GALNT17: variants seen among roughly 807,000 people sequenced by gnomAD.
GALNT17 encodes the protein UDP-GalNAc:polypeptide N-acetylgalactosaminyltransferase-like 3.
A neutral mutation model predicts 63.7 loss-of-function variants in GALNT17; 29 were observed. The ratio of observed to expected loss-of-function variants is 0.46; its 90% CI spans 0.34 to 0.62. The LOEUF (loss-of-function observed/expected upper bound fraction) is 0.62. Ranked by LOEUF, GALNT17 falls within the 20% of genes least tolerant of loss-of-function variation. The probability of loss-of-function intolerance (pLI) is 0.01; values close to 1 mark genes in which losing one functional copy is unlikely to be tolerated. For missense variants in GALNT17, 603 were observed against 799.6 expected (o/e 0.75, Z 2.97); for synonymous variants, 305 against 318.3 (o/e 0.96, Z 0.45).
chr7:71,484,615 C>T (rs1022941084), intron 5 of GALNT17, among the ~76,000 whole-genome samples: 6 of 152,066 alleles, frequency 3.9e-5, no homozygotes, highest in East Asian at 1.9e-4. Context: ...ATGGCAGCTA[C>T]GACATCATTA....
chr7:71,444,022 C>G (rs1190725439), intron 5 of GALNT17, among the ~76,000 whole-genome samples: 1 of 152,180 alleles, frequency 6.6e-6, no homozygotes, highest in South Asian at 2.1e-4. Context: ...GCACCCCGCT[C>G]GGCCTGAATT....
At position 71,593,195 on chromosome 7, in the gene GALNT17, AT is replaced by A. The variant is rs556983072; in HGVS notation, c.1080+21795del. Among the ~76,000 whole-genome samples the A allele has an allele frequency of 1.6e-3, 243 of 150,524 alleles. 1 individual carries two copies. The highest frequency in any genetic ancestry group is 5.8e-3 in the African/African-American group (236 of 40,608). ...TAATAATAATAAATTTTTAAAAACA[AT>A]TAGTTTTGGGACAAGAAGTCTAAAT... On this transcript the variant is annotated intron_variant, in intron 6 of 10. Transcript: ENST00000333538.
intron 1 of GALNT17, among the ~76,000 whole-genome samples, chr7:71,163,492 G>A (rs1460089968): frequency 6.6e-6 from 1 of 152,182 alleles, no homozygotes; most frequent in Non-Finnish European, 1.5e-5. Flanking sequence ...AAACTGACCA[G>A]TCTTTAAGGC....
At chr7:71,281,143 G>A (rs185550544) in intron 1 of GALNT17, among the ~76,000 whole-genome samples, 4 of 152,204 alleles carry the variant, frequency 2.6e-5, no homozygotes, top group East Asian at 1.9e-4. Flanking sequence ...AACCAAAAGC[G>A]GGCCCAGTTG....
At chr7:71,216,454 C>T (rs1190750290) in intron 1 of GALNT17, among the ~76,000 whole-genome samples, 2 of 152,110 alleles carry the variant, frequency 1.3e-5, no homozygotes, top group Non-Finnish European at 2.9e-5. Flanking sequence ...CAGATACATT[C>T]AACTTCATCT....
At chr7:71,217,205 C>T (rs957601816) in intron 1 of GALNT17, among the ~76,000 whole-genome samples, 1 of 137,996 alleles carries the variant, frequency 7.2e-6, no homozygotes, top group Admixed American at 7.8e-5. Flanking sequence ...TGGTCTTGAA[C>T]TCCCATATGA....
intron 9 of GALNT17, among the ~76,000 whole-genome samples, chr7:71,690,873 T>A (rs571528290): frequency 6.6e-6 from 1 of 152,216 alleles, no homozygotes; most frequent in Non-Finnish European, 1.5e-5. Flanking sequence ...AAGAGTTGTT[T>A]CTTCACGGAT....
chr7:71,343,426 A>G (rs1416862561), intron 2 of GALNT17, among the ~76,000 whole-genome samples: 1 of 152,246 alleles, frequency 6.6e-6, no homozygotes, highest in Non-Finnish European at 1.5e-5. Context: ...TCTTATAAAT[A>G]TGAATGAATG....
intron 5 of GALNT17, among the ~76,000 whole-genome samples, chr7:71,525,120 A>C (rs532809766): frequency 2.0e-5 from 3 of 152,254 alleles, no homozygotes; most frequent in African/African-American, 7.2e-5. Context: ...AACTGCAATT[A>C]CTTTTGCACC....
chr7:71,162,723 G>A (rs576066701), intron 1 of GALNT17, among the ~76,000 whole-genome samples: 8 of 152,270 alleles, frequency 5.3e-5, no homozygotes, highest in Non-Finnish European at 8.8e-5. Flanking sequence ...TCAGTCTAGT[G>A]GAGGACACAG....
chr7:71,142,012 C>CTGTGTGTGTGTG lies in GALNT17; in HGVS notation c.238+8996_238+9007dup, dbSNP rs201770661. Among the ~76,000 whole-genome samples the CTGTGTGTGTGTG allele has an allele frequency of 4.2e-3, 519 of 124,876 alleles. 12 individuals are homozygous for CTGTGTGTGTGTG. Among genetic ancestry groups the CTGTGTGTGTGTG allele is most frequent in the African/African-American group, 0.014 (423 of 30,838 alleles). The allele number at this position is 124,876 out of a possible 152,430, so 81.9% of individuals were successfully genotyped here. The stretch of plus-strand genomic sequence containing the variant: ...TTCAGGCATGAGCCACCACATTTGG[C>CTGTGTGTGTGTG]TGTGTGTGTGTGTGTGTGTGTGTGT... On this transcript the variant is annotated intron_variant, in intron 1 of 10. Coordinates refer to ENST00000333538, the MANE Select transcript of GALNT17 (RefSeq NM_022479.3).
At chr7:71,295,724 G>A (rs59872565) in intron 1 of GALNT17, among the ~76,000 whole-genome samples, 4,168 of 151,646 alleles carry the variant, frequency 0.027, 197 homozygotes, top group African/African-American at 0.096. Context: ...TCAGCCTCCC[G>A]AGTAGCTGGA....
chr7:71,285,324 C>G (rs1790853870), intron 1 of GALNT17, among the ~76,000 whole-genome samples: 1 of 152,110 alleles, frequency 6.6e-6, no homozygotes, highest in South Asian at 2.1e-4. Context: ...GTTGGCTAAT[C>G]CTTGCTTTTT....
chr7:71,247,184 T>C (rs1790114334), intron 1 of GALNT17, among the ~76,000 whole-genome samples: 3 of 152,238 alleles, frequency 2.0e-5, no homozygotes, highest in Admixed American at 2.0e-4. Context: ...CTTTTTTAAA[T>C]GTTTATGTTT....
intron 1 of GALNT17, among the ~76,000 whole-genome samples, chr7:71,166,940 A>C (rs1403854350): frequency 2.0e-5 from 3 of 151,756 alleles, no homozygotes; most frequent in Non-Finnish European, 4.4e-5. Context: ...CTCAGGCTGG[A>C]GTACAGTGGC....
intron 5 of GALNT17, among the ~76,000 whole-genome samples, chr7:71,436,153 T>C (rs1202199465): frequency 1.3e-5 from 2 of 152,122 alleles, no homozygotes; most frequent in Non-Finnish European, 2.9e-5. Flanking sequence ...GCAATTCCCC[T>C]GTCTTGATAA....
chr7:71,348,589 T>C (rs868416439), intron 2 of GALNT17, among the ~76,000 whole-genome samples: 76 of 152,180 alleles, frequency 5.0e-4, no homozygotes, highest in African/African-American at 1.7e-3. Context: ...CCCGGGGTCA[T>C]TGACTCTCAA....
chr7:71,185,047 C>T (rs1788819107), intron 1 of GALNT17, among the ~76,000 whole-genome samples: 1 of 89,582 alleles, frequency 1.1e-5, no homozygotes, highest in Non-Finnish European at 1.9e-5. Context: ...TCTTCCTCCC[C>T]CTCCTCCTCC....
chr7:71,449,545 T>C (rs1444600651), intron 5 of GALNT17, among the ~76,000 whole-genome samples: 2 of 152,206 alleles, frequency 1.3e-5, no homozygotes, highest in Non-Finnish European at 2.9e-5. Flanking sequence ...ATCTCATTCC[T>C]GACTTAATGA....
Sources: allele counts gnomAD v4.1 joint callset (sites outside exome capture counted in the v4.1 genomes callset), GRCh38; gene constraint gnomAD v4.1.1; transcripts MANE v1.5; gene names NCBI Gene and HGNC (gene_info 2026-07-23, HGNC 2026-07-21).